The following KLF8 variants were observed in gnomAD, a reference collection of about 807,000 sequenced individuals.
KLF8 encodes the protein KLF transcription factor 8, also known as Krueppel-like factor 8.
A neutral mutation model predicts 18.2 loss-of-function variants in KLF8; 10 were observed. That is an observed-to-expected ratio of 0.55 (90% CI 0.34 to 0.93). The LOEUF (loss-of-function observed/expected upper bound fraction) is 0.93. Ranked by LOEUF, KLF8 falls within the 40% of genes least tolerant of loss-of-function variation. KLF8 has a pLI of 0.02. For missense variants in KLF8, 264 were observed against 277.9 expected (o/e 0.95, Z 0.36); for synonymous variants, 109 against 97.3 (o/e 1.12, Z -0.71).
chrX:56,027,263 G>A, the KLF8 span, among the ~76,000 whole-genome samples: 9 of 111,987 alleles, frequency 8.0e-5, no homozygotes, highest in Non-Finnish European at 1.7e-4. Context: ...ATGCCCAGTA[G>A]GGAGTAGATG....
chrX:56,037,974 C>A, the KLF8 span, among the ~76,000 whole-genome samples: 2 of 111,593 alleles, frequency 1.8e-5, no homozygotes, highest in Admixed American at 1.9e-4. Flanking sequence ...CCACTTCCAG[C>A]CCCTCACTAT....
the KLF8 span, among the ~76,000 whole-genome samples, chrX:56,141,224 C>T: frequency 8.9e-6 from 1 of 112,177 alleles, no homozygotes; most frequent in East Asian, 2.8e-4. Flanking sequence ...TCCTTGGCCT[C>T]CCAATGTGCT....
At chrX:56,112,108 T>C in the KLF8 span, among the ~76,000 whole-genome samples, 2 of 111,645 alleles carry the variant, frequency 1.8e-5, no homozygotes, top group Non-Finnish European at 3.8e-5. Flanking sequence ...ATAGACCGGA[T>C]TCAGAAAATG....
At chrX:56,174,490 A>C in the KLF8 span, among the ~76,000 whole-genome samples, 3 of 111,799 alleles carry the variant, frequency 2.7e-5, no homozygotes, top group African/African-American at 9.7e-5. Flanking sequence ...CTGCTGGATT[A>C]GGTTTGCCAG....
chrX:56,141,447 T>C, the KLF8 span, among the ~76,000 whole-genome samples: 1 of 111,760 alleles, frequency 8.9e-6, no homozygotes, highest in Non-Finnish European at 1.9e-5. Context: ...TGCAATCTAA[T>C]TTATTTATAA....
the KLF8 span, among the ~76,000 whole-genome samples, chrX:56,009,945 G>A: frequency 1.8e-5 from 2 of 112,026 alleles, no homozygotes; most frequent in African/African-American, 6.5e-5. Flanking sequence ...AAACTTACCA[G>A]AACTATTGAA....
intron 1 of KLF8, among the ~76,000 whole-genome samples, chrX:56,236,112 C>T (rs952784496): frequency 2.7e-5 from 3 of 111,735 alleles, no homozygotes; most frequent in Non-Finnish European, 5.6e-5. Flanking sequence ...AGAGCCCAAT[C>T]CAGATATTTC....
At chrX:56,171,860 T>C in the KLF8 span, among the ~76,000 whole-genome samples, 1 of 111,815 alleles carries the variant, frequency 8.9e-6, no homozygotes, top group African/African-American at 3.3e-5. Context: ...TATAGCAGCA[T>C]GATGTATAAT....
the KLF8 span, among the ~76,000 whole-genome samples, chrX:56,167,762 T>A: frequency 1.8e-5 from 2 of 112,429 alleles, no homozygotes; most frequent in African/African-American, 6.5e-5. Context: ...ATAATTTAAT[T>A]CTCACAGTAA....
the KLF8 span, among the ~76,000 whole-genome samples, chrX:55,994,310 T>C: frequency 1.8e-5 from 2 of 110,955 alleles, no homozygotes; most frequent in African/African-American, 3.3e-5. Flanking sequence ...TATTTGGATC[T>C]TCTTTTTTCT....
the KLF8 span, among the ~76,000 whole-genome samples, chrX:56,107,955 T>G: frequency 2.7e-5 from 3 of 112,168 alleles, no homozygotes; most frequent in East Asian, 8.3e-4. Context: ...CAATTTTTAT[T>G]TGTATTCTTT....
At chrX:56,215,426 T>C in the KLF8 span, among the ~76,000 whole-genome samples, 1 of 111,279 alleles carries the variant, frequency 9.0e-6, no homozygotes, top group African/African-American at 3.3e-5. Context: ...CAGAAAAGTG[T>C]GTTTATATAG....
the KLF8 span, among the ~76,000 whole-genome samples, chrX:56,029,064 A>C: frequency 1.8e-5 from 2 of 110,985 alleles, no homozygotes; most frequent in Non-Finnish European, 3.8e-5. Context: ...TGGGAACCGG[A>C]TACTGCTTTT....
chrX:56,249,831 G>A (rs1391932446), intron 1 of KLF8, among the ~76,000 whole-genome samples: 1 of 111,593 alleles, frequency 9.0e-6, no homozygotes, highest in Non-Finnish European at 1.9e-5. Context: ...GATAAAATAC[G>A]TCTCTAGAGA....
chrX:55,927,347 G>T, the KLF8 span, among the ~76,000 whole-genome samples: 2 of 112,133 alleles, frequency 1.8e-5, no homozygotes, highest in Non-Finnish European at 3.8e-5. Flanking sequence ...CATGCATAGT[G>T]CTGCGATGAG....
chrX:56,142,422 A>G, the KLF8 span, among the ~76,000 whole-genome samples: 5 of 111,267 alleles, frequency 4.5e-5, no homozygotes, highest in Non-Finnish European at 9.4e-5. Context: ...TGAATCTTCC[A>G]TATCTCATCC....
chrX:56,213,855 G>T, the KLF8 span, among the ~76,000 whole-genome samples: 1 of 111,317 alleles, frequency 9.0e-6, no homozygotes, highest in South Asian at 3.8e-4. Context: ...AGTGTGACAG[G>T]CTTCTGTATC....
At chrX:56,095,947 G>A in the KLF8 span, among the ~76,000 whole-genome samples, 2 of 111,365 alleles carry the variant, frequency 1.8e-5, no homozygotes, top group Admixed American at 9.5e-5. Flanking sequence ...CACATTACTG[G>A]ATATCATCCA....
At chrX:56,033,740 T>G in the KLF8 span, among the ~76,000 whole-genome samples, 2 of 112,125 alleles carry the variant, frequency 1.8e-5, no homozygotes, top group African/African-American at 6.5e-5. Flanking sequence ...GGTTTTAATT[T>G]GCATTTCCCT....
Sources: allele counts gnomAD v4.1 joint callset (sites outside exome capture counted in the v4.1 genomes callset), GRCh38; gene constraint gnomAD v4.1.1; transcripts MANE v1.5; gene names NCBI Gene and HGNC (gene_info 2026-07-23, HGNC 2026-07-21).